The following ZC3H6 variants were observed in gnomAD, a reference collection of about 807,000 sequenced individuals.
The protein encoded by ZC3H6 is zinc finger CCCH domain-containing protein 6.
Under a neutral mutation model 107.7 loss-of-function variants are expected in ZC3H6, and 40 were observed. The ratio of observed to expected loss-of-function variants is 0.37; its 90% CI spans 0.29 to 0.48. ZC3H6 has a LOEUF of 0.48. Among genes scored for constraint, ZC3H6 ranks in the 20% least tolerant of loss-of-function variants. The probability of loss-of-function intolerance (pLI) is 0.98; values close to 1 mark genes in which losing one functional copy is unlikely to be tolerated. For synonymous variants in ZC3H6, 493 were observed against 487.9 expected, an observed-to-expected ratio of 1.01 and a Z score of -0.14; for missense variants, 1,267 against 1,410.4, an observed-to-expected ratio of 0.90 and a Z score of 1.63.
intron 1 of ZC3H6, among the ~76,000 whole-genome samples, chr2:112,290,850 A>C (rs1676099462): frequency 6.6e-6 from 1 of 152,264 alleles, no homozygotes; most frequent in South Asian, 2.1e-4. Context: ...CCTTGGCTCA[A>C]ATTGGCATAT....
chr2:112,275,918 CG>C lies in ZC3H6; in HGVS notation c.-71del, dbSNP rs1686406086. The C allele has an allele frequency of 5.3e-6, 7 of 1,314,788 alleles. No homozygotes were observed. The highest frequency in any genetic ancestry group is 2.8e-4 in the Middle Eastern group (1 of 3,600). The allele number at this position is 1,314,788 out of a possible 1,614,324, so 81.4% of individuals were successfully genotyped here. A position where few individuals can be genotyped will look rare whatever the true frequency, so the allele number is the denominator to read the frequency against. Reference sequence around the variant, plus strand: ...CGGGAGCAGGTTCCCGCAGGCGGCGCGGGGGGTCTTCCCCGCGCCCCGCCGC... The same window carrying C: ...CGGGAGCAGGTTCCCGCAGGCGGCGCGGGGGTCTTCCCCGCGCCCCGCCGC... On this transcript the variant is annotated 5_prime_UTR_variant, in exon 1 of 12. Transcript: ENST00000409871.
rs1677127411 is a variant in ZC3H6, at chr2:112,335,749, G to A, written c.*3261G>A. ...ACGAAGCTTCAGATGACATGCACTG[G>A]TGACACAACAGTAGAATTTCCTGAG... On this transcript the variant is annotated 3_prime_UTR_variant, in exon 12 of 12. Transcript: ENST00000409871. The A allele has an allele frequency of 6.6e-6, 1 of 152,072 alleles. No homozygotes were observed. The highest frequency in any genetic ancestry group is 2.1e-4 in the South Asian group (1 of 4,830). 9.4% of individuals were successfully genotyped at this position (152,072 alleles called of 1,614,324 possible). A position where few individuals can be genotyped will look rare whatever the true frequency, so the allele number is the denominator to read the frequency against.
chr2:112,276,068 A>AG (rs1686411719), intron 1 of ZC3H6, 42 bp downstream of exon 1: 5 of 1,530,798 alleles, frequency 3.3e-6, no homozygotes, highest in Admixed American at 2.0e-5. Context: ...GGATGAGAGG[A>AG]GGGGTCTGGG....
At chr2:112,312,915 A>G (rs557209841) in intron 5 of ZC3H6, among the ~76,000 whole-genome samples, 3 of 151,502 alleles carry the variant, frequency 2.0e-5, no homozygotes, top group South Asian at 2.1e-4. Flanking sequence ...AGGGATAGCT[A>G]TATACTATAA....
intron 3 of ZC3H6, among the ~76,000 whole-genome samples, chr2:112,307,389 C>T (rs1676495399): frequency 6.6e-6 from 1 of 151,956 alleles, no homozygotes; most frequent in South Asian, 2.1e-4. Context: ...TTACAGAAAC[C>T]AACTCTATCC....
At chr2:112,278,344 G>A (rs576592115) in intron 1 of ZC3H6, among the ~76,000 whole-genome samples, 1 of 152,306 alleles carries the variant, frequency 6.6e-6, no homozygotes, top group Admixed American at 6.5e-5. Context: ...TTGAGACGGA[G>A]TCTCGCTCTG....
intron 7 of ZC3H6, among the ~76,000 whole-genome samples, chr2:112,318,746 G>A (rs1483429271): frequency 1.3e-5 from 2 of 152,086 alleles, no homozygotes; most frequent in African/African-American, 2.4e-5. Context: ...GCAATCCCAC[G>A]TTTTGCAGTT....
At chr2:112,305,030 A>T (rs1288179610) in intron 3 of ZC3H6, among the ~76,000 whole-genome samples, 4 of 152,218 alleles carry the variant, frequency 2.6e-5, no homozygotes, top group African/African-American at 9.6e-5. Flanking sequence ...GAATGTTTAT[A>T]AGGTCAATAT....
intron 1 of ZC3H6, among the ~76,000 whole-genome samples, chr2:112,286,685 C>A (rs181263002): frequency 2.6e-5 from 4 of 152,172 alleles, no homozygotes; most frequent in African/African-American, 9.7e-5. Flanking sequence ...GTGATCTGCC[C>A]GCTTTGGCCT....
intron 1 of ZC3H6, 111 bp from the exon 2 acceptor site, chr2:112,299,738 G>A: frequency 4.7e-6 from 4 of 857,978 alleles, no homozygotes; most frequent in Non-Finnish European, 6.4e-6. Context: ...TCAAGTGCTT[G>A]TCTAAATGAA....
chr2:112,306,227 C>T lies in ZC3H6; in HGVS notation c.336+2876C>T, dbSNP rs1676475328. On this transcript the variant is annotated intron_variant, in intron 3 of 11. Transcript: ENST00000409871. ...TCACTTTGTTGCCAAGGCTGGAGTGCAGTGGCGTGATCTTGGCTCACTGCA... is the reference window on the plus strand; with the variant it reads ...TCACTTTGTTGCCAAGGCTGGAGTGTAGTGGCGTGATCTTGGCTCACTGCA... 4.2e-5 allele frequency among the ~76,000 whole-genome samples: 6 copies of T among 142,542 alleles called. No homozygotes were observed. The South Asian group carries it at 1.3e-3, about 31-fold the overall frequency. 93.5% of individuals were successfully genotyped at this position (142,542 alleles called of 152,430 possible).
In ZC3H6 at chr2:112,325,104, C is replaced by G. The variant is rs1676883275; in HGVS notation, c.1993C>G (p.Gln665Glu). The G allele has an allele frequency of 2.5e-6, 4 of 1,613,998 alleles. No individual in the cohort carries two copies. The East Asian group carries it at 8.9e-5, about 36-fold the overall frequency. The change falls in exon 11 of 12, where the codon CAA becomes GAA. Residue 665 changes from glutamine (Q) to glutamate (E), a missense_variant. By Grantham distance (29) the Gln-to-Glu change is conservative. Around this residue, in one of 3 missense-constraint regions of ZC3H6, gnomAD observed 925 missense variants for 1,025.7 expected, o/e 0.90. Coordinates refer to ENST00000409871, the MANE Select transcript of ZC3H6 (RefSeq NM_198581.3). ...TGTACCAGGCCTCCTCCCTGCAGTG[C>G]AAAGAGCTCTTTTTGTAAGACTTAC... ...LPVPGLLPAV[Q>E]RALFVRLTQR... is the part of the protein sequence containing the mutation.
In ZC3H6 at chr2:112,321,343, A is replaced by G. The variant is rs372399272; in HGVS notation, c.977-413A>G. On this transcript the variant is annotated intron_variant, in intron 7 of 11. Transcript: ENST00000409871. ...AGAGCTTATGTAATTAAAATATAAT[A>G]GTGTTTGCTATAATAGTGATAAATG... Among the ~76,000 whole-genome samples the G allele has an allele frequency of 4.0e-5, 6 of 148,924 alleles. No individual in the cohort carries two copies. In the East Asian group the frequency reaches 1.2e-3, roughly 29 times the overall value.
chr2:112,296,868 G>A (rs192644916), intron 1 of ZC3H6, among the ~76,000 whole-genome samples: 18 of 152,306 alleles, frequency 1.2e-4, no homozygotes, highest in Non-Finnish European at 2.1e-4. Context: ...TGTACAGAGT[G>A]CAATGATAAG....
chr2:112,316,536 C>T lies in ZC3H6; in HGVS notation c.814C>T (p.His272Tyr). Residue 272 changes from histidine to tyrosine, a missense_variant, in exon 6 of 12, where the codon CAC (histidine) becomes TAC (tyrosine). Around this residue, in one of 3 missense-constraint regions of ZC3H6, gnomAD observed 337 missense variants for 361.2 expected, o/e 0.93. Transcript: ENST00000409871. ...QEFINQHTVE[H>Y]KGKQICKYFL... ...ATTTATTAATCAGCACACAGTGGAACACAAAGGAAAACAAATCTGTAAATA... is the reference window on the plus strand; with the variant it reads ...ATTTATTAATCAGCACACAGTGGAATACAAAGGAAAACAAATCTGTAAATA... The T allele has an allele frequency of 1.2e-6, 2 of 1,609,460 alleles. No individual in the cohort carries two copies. The highest frequency in any genetic ancestry group is 1.3e-5 in the African/African-American group (1 of 74,722).
intron 11 of ZC3H6, 100 bp downstream of exon 11, chr2:112,325,297 C>A (rs1676887380): frequency 9.4e-6 from 10 of 1,062,850 alleles, no homozygotes; most frequent in Non-Finnish European, 1.4e-5. Flanking sequence ...AGTTCGAGAC[C>A]AACCTGGCCA....
chr2:112,275,918 C>CG lies in ZC3H6; in HGVS notation c.-71dup, dbSNP rs1686406086. ...CGGGAGCAGGTTCCCGCAGGCGGCG[C>CG]GGGGGGTCTTCCCCGCGCCCCGCCG... is the stretch of plus-strand genomic sequence containing the variant. On this transcript the variant is annotated 5_prime_UTR_variant, in exon 1 of 12. Coordinates refer to ENST00000409871, the MANE Select transcript of ZC3H6 (RefSeq NM_198581.3). The CG allele has an allele frequency of 2.0e-5, 26 of 1,314,828 alleles. No individual in the cohort carries two copies. The highest frequency in any genetic ancestry group is 1.6e-4 in the South Asian group (11 of 70,498). The allele number at this position is 1,314,828 out of a possible 1,614,324, so 81.4% of individuals were successfully genotyped here.
chr2:112,289,946 G>T (rs1440397007), intron 1 of ZC3H6, among the ~76,000 whole-genome samples: 1 of 151,704 alleles, frequency 6.6e-6, no homozygotes, highest in Non-Finnish European at 1.5e-5. Flanking sequence ...TTACCGTGTT[G>T]CCCAGGCTGG....
chr2:112,309,791 C>T, intron 3 of ZC3H6, 94 bp from the exon 4 acceptor site: 5 of 1,296,248 alleles, frequency 3.9e-6, no homozygotes, highest in Non-Finnish European at 5.2e-6. Flanking sequence ...TCTCCTTTCT[C>T]CAAACTTGCT....
Sources: allele counts gnomAD v4.1 joint callset (sites outside exome capture counted in the v4.1 genomes callset), GRCh38; gene constraint gnomAD v4.1.1; regional missense constraint gnomAD v4.1.1; transcripts MANE v1.5; gene names NCBI Gene and HGNC (gene_info 2026-07-23, HGNC 2026-07-21).